The following C9 variants were observed in gnomAD, a reference collection of about 807,000 sequenced individuals.
C9 encodes the protein complement C9.
Under a neutral mutation model 65.4 loss-of-function variants are expected in C9, and 63 were observed. That is an observed-to-expected ratio of 0.96 (90% CI 0.79 to 1.19). The LOEUF (loss-of-function observed/expected upper bound fraction) is 1.19. C9 is among the 50% of genes most tolerant of loss of function. C9 has a pLI of 0.00. For synonymous variants in C9, 229 were observed against 227.9 expected (o/e 1.00, Z -0.04); for missense variants, 744 against 670.1 (o/e 1.11, Z -1.22).
chr5:39,285,047 T>C lies in C9; in HGVS notation c.*152A>G. On this transcript the variant is annotated 3_prime_UTR_variant, in exon 11 of 11. Coordinates refer to ENST00000263408, the MANE Select transcript of C9 (RefSeq NM_001737.5). ...TAAGGAAGAAAAATTTAAAAAAAAATTATAGACCTAAGAGAGAAGAGACTT... is the reference window on the plus strand; with the variant it reads ...TAAGGAAGAAAAATTTAAAAAAAAACTATAGACCTAAGAGAGAAGAGACTT... 1.6e-6 allele frequency: 1 copy of C among 644,248 alleles called. No individual in the cohort carries two copies. The highest frequency in any genetic ancestry group is 2.8e-6 in the Non-Finnish European group (1 of 362,008). The allele number at this position is 644,248 out of a possible 1,614,324, so 39.9% of individuals were successfully genotyped here. A position where few individuals can be genotyped will look rare whatever the true frequency, so the allele number is the denominator to read the frequency against.
intron 5 of C9, among the ~76,000 whole-genome samples, chr5:39,318,810 C>T (rs778166730): frequency 5.3e-4 from 80 of 152,244 alleles, no homozygotes; most frequent in Non-Finnish European, 7.4e-4. Context: ...TAAAACAAGA[C>T]ATGTTGAAGA....
At chr5:39,288,161 T>A (rs553808900) in intron 10 of C9, among the ~76,000 whole-genome samples, 7 of 151,834 alleles carry the variant, frequency 4.6e-5, no homozygotes, top group African/African-American at 1.4e-4. Flanking sequence ...TACATACATA[T>A]TTAGTACAAG....
At position 39,341,212 on chromosome 5, in the gene C9, T is replaced by C. The variant is rs779249901; in HGVS notation, c.410A>G (p.Glu137Gly). Reference protein sequence around the residue: ...DFSDEDDCESEPRPPCRDRVV... With the variant: ...DFSDEDDCESGPRPPCRDRVV... ...TCTGTCTCTGCAGGGGGGACGGGGC[T>C]CACTTTCACAATCATCCTCATCTGA... The change falls in exon 4 of 11, where the codon GAG (glutamate) becomes GGG (glycine). Residue 137 changes from glutamate to glycine, a missense_variant. Glu to Gly is a moderately conservative substitution (Grantham distance 98, BLOSUM62 -2). Coordinates refer to ENST00000263408, the MANE Select transcript of C9 (RefSeq NM_001737.5). The C allele has an allele frequency of 6.2e-7, 1 of 1,614,204 alleles. No individual in the cohort carries two copies. Among genetic ancestry groups the C allele is most frequent in the South Asian group, 1.1e-5 (1 of 91,078 alleles).
At chr5:39,330,851 C>T (rs556291420) in intron 5 of C9, among the ~76,000 whole-genome samples, 19 of 152,260 alleles carry the variant, frequency 1.2e-4, no homozygotes, top group Non-Finnish European at 2.1e-4. Context: ...TATGTAGAGA[C>T]TGATTTATGA....
At chr5:39,358,218 CA>C (rs1245877228) in intron 1 of C9, among the ~76,000 whole-genome samples, 7 of 152,144 alleles carry the variant, frequency 4.6e-5, no homozygotes, top group African/African-American at 1.7e-4. Context: ...AGTTGTTACA[CA>C]GCAAAAAAGC....
At chr5:39,296,638 C>T (rs6451418) in intron 9 of C9, among the ~76,000 whole-genome samples, 16,381 of 151,386 alleles carry the variant, frequency 0.11, 1,088 homozygotes, top group African/African-American at 0.18. Context: ...AAGAGACATC[C>T]GCACCCTTCT....
At chr5:39,350,089 C>T (rs1413712262) in intron 1 of C9, among the ~76,000 whole-genome samples, 1 of 152,102 alleles carries the variant, frequency 6.6e-6, no homozygotes, top group Non-Finnish European at 1.5e-5. Context: ...GGAGGCATGA[C>T]TGGGAAGGTC....
At chr5:39,341,450 T>C in intron 3 of C9, 106 bp downstream of exon 3, 1 of 1,493,426 alleles carries the variant, frequency 6.7e-7, no homozygotes, top group South Asian at 1.1e-5. Context: ...TTTGGGGCCT[T>C]TCACGCTTGG....
intron 9 of C9, among the ~76,000 whole-genome samples, chr5:39,295,661 G>GA (rs958557393): frequency 6.0e-5 from 9 of 149,700 alleles, no homozygotes; most frequent in African/African-American, 1.7e-4. Context: ...CACAGAAATT[G>GA]AAAAAAAAAT....
intron 1 of C9, among the ~76,000 whole-genome samples, chr5:39,345,406 A>G (rs1754171840): frequency 6.6e-6 from 1 of 152,214 alleles, no homozygotes; most frequent in African/African-American, 2.4e-5. Context: ...TAAACCAAAA[A>G]AGATCAAAAG....
At chr5:39,286,296 T>A (rs991818816) in intron 10 of C9, among the ~76,000 whole-genome samples, 8 of 151,930 alleles carry the variant, frequency 5.3e-5, no homozygotes, top group African/African-American at 9.7e-5. Flanking sequence ...AAGCCTGTAA[T>A]AAAAAATCAC....
At chr5:39,363,717 A>G (rs1754564047) in intron 1 of C9, among the ~76,000 whole-genome samples, 1 of 152,218 alleles carries the variant, frequency 6.6e-6, no homozygotes, top group African/African-American at 2.4e-5. Context: ...TAGCTGTTCA[A>G]TAAAAACTTA....
intron 9 of C9, among the ~76,000 whole-genome samples, chr5:39,295,976 T>C (rs894396819): frequency 6.6e-6 from 1 of 151,704 alleles, no homozygotes; most frequent in Non-Finnish European, 1.5e-5. Context: ...AAACTGATTG[T>C]CCATATGCAG....
chr5:39,338,162 C>G (rs931718884), intron 4 of C9, among the ~76,000 whole-genome samples: 1 of 152,126 alleles, frequency 6.6e-6, no homozygotes, highest in African/African-American at 2.4e-5. Flanking sequence ...TTATACCACT[C>G]TCCTATATTC....
chr5:39,303,127 T>C (rs919116214), intron 9 of C9, among the ~76,000 whole-genome samples: 1 of 152,210 alleles, frequency 6.6e-6, no homozygotes, highest in Non-Finnish European at 1.5e-5. Context: ...ATGTAATTTC[T>C]CTTAGCTGAC....
chr5:39,362,027 C>G (rs1178037796), intron 1 of C9, among the ~76,000 whole-genome samples: 3 of 152,046 alleles, frequency 2.0e-5, no homozygotes, highest in Non-Finnish European at 2.9e-5. Context: ...TTACCATGCG[C>G]CAGGCACAGA....
intron 9 of C9, among the ~76,000 whole-genome samples, chr5:39,290,796 C>T (rs1753079034): frequency 6.6e-6 from 1 of 151,574 alleles, no homozygotes; most frequent in South Asian, 2.1e-4. Flanking sequence ...CATTACTGAG[C>T]TGAGGAAAAA....
At chr5:39,360,264 T>C (rs1017151556) in intron 1 of C9, among the ~76,000 whole-genome samples, 4 of 151,502 alleles carry the variant, frequency 2.6e-5, no homozygotes, top group African/African-American at 4.8e-5. Flanking sequence ...TCTACTACTA[T>C]TATTATTATT....
At chr5:39,328,498 G>A (rs1753789452) in intron 5 of C9, among the ~76,000 whole-genome samples, 1 of 152,194 alleles carries the variant, frequency 6.6e-6, no homozygotes, top group African/African-American at 2.4e-5. Context: ...AGCAGTGTAA[G>A]TTTACAAGTA....
Sources: gnomAD v4.1 joint callset for allele counts (sites outside exome capture counted in the v4.1 genomes callset) on GRCh38, gnomAD v4.1.1 for gene constraint, MANE v1.5 for transcripts, NCBI Gene and HGNC (gene_info 2026-07-23, HGNC 2026-07-21) for gene names.